EVC2: variants seen among roughly 807,000 people sequenced by gnomAD.
EVC2 encodes limbin.
A neutral mutation model predicts 149.3 loss-of-function variants in EVC2; 148 were observed. That is an observed-to-expected ratio of 0.99 (90% CI 0.87 to 1.14). The LOEUF is 1.14. Among genes scored for constraint, EVC2 ranks in the 50% most tolerant of loss-of-function variants. The pLI is 0.00. For synonymous variants in EVC2, 776 were observed against 649.9 expected (o/e 1.19, Z -2.95); for missense variants, 1,854 against 1,627.3 (o/e 1.14, Z -2.40).
chr4:5,583,495 T>C (rs1481617223), intron 17 of EVC2, among the ~76,000 whole-genome samples: 1 of 152,204 alleles, frequency 6.6e-6, no homozygotes, highest in Non-Finnish European at 1.5e-5. Context: ...TTTGTGTGGT[T>C]TGGAAGATTT....
intron 21 of EVC2, among the ~76,000 whole-genome samples, chr4:5,554,457 T>G (rs1721795854): frequency 6.6e-6 from 1 of 152,178 alleles, no homozygotes; most frequent in African/African-American, 2.4e-5. Flanking sequence ...TTGTTTGGTT[T>G]TACCTATAGC....
rs114966622 is a variant in EVC2 at position 5,644,686 on chromosome 4, C to T, written c.1146-3848G>A. 2.0e-3 allele frequency among the ~76,000 whole-genome samples: 310 copies of T among 152,266 alleles called. 3 individuals are homozygous for T. The highest frequency in any genetic ancestry group is 7.0e-3 in the African/African-American group (289 of 41,540). ...TGTTTTCCTTCGTCTAAACCTACCC[C>T]TTCCCATACCTGGGCTCCAGTAACC... On this transcript the variant is annotated intron_variant, in intron 9 of 21. Transcript: ENST00000344408.
chr4:5,687,165 G>A lies in EVC2; in HGVS notation c.707-1686C>T, dbSNP rs150494743. ...CCAGCTACTTGGGAGGCTGAGGCAGGAGAATCACTTAAATTCGGCAGGTGG... is the reference window on the plus strand; with the variant it reads ...CCAGCTACTTGGGAGGCTGAGGCAGAAGAATCACTTAAATTCGGCAGGTGG... On this transcript the variant is annotated intron_variant, in intron 5 of 21. Coordinates refer to ENST00000344408, the MANE Select transcript of EVC2 (RefSeq NM_147127.5). 5.6e-4 allele frequency among the ~76,000 whole-genome samples: 86 copies of A among 152,240 alleles called. 1 individual carries two copies. In the East Asian group the frequency reaches 7.5e-3, roughly 13 times the overall value.
chr4:5,588,616 CTAATT>C (rs1386048248), intron 16 of EVC2, among the ~76,000 whole-genome samples: 1 of 152,058 alleles, frequency 6.6e-6, no homozygotes, highest in Admixed American at 6.6e-5. Flanking sequence ...TTCAAGCTAA[CTAATT>C]TTTTTCTGCA....
rs1722969797 is a variant in EVC2 at position 5,576,944 on chromosome 4, T to A, written c.3058-490A>T. On this transcript the variant is annotated intron_variant, in intron 17 of 21. Coordinates refer to ENST00000344408, the MANE Select transcript of EVC2 (RefSeq NM_147127.5). This position sits in a 1 kb window ranked among gnomAD's most constrained non-coding sequence, Gnocchi z 4.5. Reference sequence around the variant, plus strand: ...CCCTGCCTGCAAAGTGCCTGGTGGCTGGCACCTGTCACTGCATATGGTGGG... The same window carrying A: ...CCCTGCCTGCAAAGTGCCTGGTGGCAGGCACCTGTCACTGCATATGGTGGG... 6.6e-6 allele frequency among the ~76,000 whole-genome samples: 1 copy of A among 152,226 alleles called. No homozygotes were observed. The highest frequency in any genetic ancestry group is 1.5e-5 in the Non-Finnish European group (1 of 68,036).
In EVC2 at chr4:5,637,775, C is replaced by A. The variant is rs1716986511; in HGVS notation, c.1470+2739G>T. 6.6e-6 allele frequency among the ~76,000 whole-genome samples: 1 copy of A among 151,454 alleles called. No homozygotes were observed. The highest frequency in any genetic ancestry group is 1.5e-5 in the Non-Finnish European group (1 of 67,916). Reference sequence around the variant, plus strand: ...TCAACAATGGGCAGAATGAATGATCCTCTGCCACTGAGTTGTGGGATGGGC... The same window carrying A: ...TCAACAATGGGCAGAATGAATGATCATCTGCCACTGAGTTGTGGGATGGGC... On this transcript the variant is annotated intron_variant, in intron 10 of 21. Coordinates refer to ENST00000344408, the MANE Select transcript of EVC2 (RefSeq NM_147127.5). This position sits in a 1 kb window ranked among gnomAD's most constrained non-coding sequence, Gnocchi z 4.4.
intron 5 of EVC2, among the ~76,000 whole-genome samples, chr4:5,687,633 T>A (rs1248496944): frequency 6.6e-6 from 1 of 152,070 alleles, no homozygotes; most frequent in Non-Finnish European, 1.5e-5. Context: ...CAGGGCCAGG[T>A]CCCAAAGAAT....
chr4:5,658,007 G>A (rs1174213863), intron 9 of EVC2, among the ~76,000 whole-genome samples: 1 of 152,138 alleles, frequency 6.6e-6, no homozygotes, highest in Non-Finnish European at 1.5e-5. Context: ...GCCTCCATTA[G>A]AAGCATCCTC....
chr4:5,570,366 C>T (rs556101434), intron 19 of EVC2, among the ~76,000 whole-genome samples: 128 of 152,336 alleles, frequency 8.4e-4, no homozygotes, highest in African/African-American at 2.8e-3. Flanking sequence ...CACAGCCCTT[C>T]CAGCTCCAGT....
chr4:5,650,708 G>A (rs1384358796), intron 9 of EVC2, among the ~76,000 whole-genome samples: 1 of 143,924 alleles, frequency 6.9e-6, no homozygotes, highest in East Asian at 2.1e-4. Flanking sequence ...TATAAGGTAG[G>A]TGATTAACAT....
chr4:5,703,063 A>G (rs1297378315), intron 1 of EVC2, among the ~76,000 whole-genome samples: 2 of 152,208 alleles, frequency 1.3e-5, no homozygotes, highest in East Asian at 1.9e-4. Flanking sequence ...AACATCATCA[A>G]TAGGTTCATG....
intron 16 of EVC2, among the ~76,000 whole-genome samples, chr4:5,607,497 C>T (rs115665687): frequency 6.6e-6 from 1 of 152,158 alleles, no homozygotes; most frequent in Non-Finnish European, 1.5e-5. Flanking sequence ...GACCAGACAT[C>T]TGTAGCTGAC....
intron 16 of EVC2, among the ~76,000 whole-genome samples, chr4:5,596,633 G>C (rs926956573): frequency 2.6e-5 from 4 of 152,068 alleles, no homozygotes; most frequent in African/African-American, 9.7e-5. Flanking sequence ...ATCCAAAATT[G>C]ACACCCTAAC....
Position 5,685,483 on chromosome 4 carries a change from C to T in EVC2, c.707-4G>A, listed in dbSNP as rs113806963. On this transcript the variant is annotated splice_region_variant and splice_polypyrimidine_tract_variant and intron_variant, in intron 5 of 21. Coordinates refer to ENST00000344408, the MANE Select transcript of EVC2 (RefSeq NM_147127.5). ...CTGACAGCAAAGGCATCTCCCACTG[C>T]GCAGAGAAAAGCACATGTGACTCAG... 6,515 of 1,613,818 alleles carry T rather than the reference C, an allele frequency of 4.0e-3. 22 individuals are homozygous for T. Among genetic ancestry groups the T allele is most frequent in the Non-Finnish European group, 4.8e-3 (5,695 of 1,179,816 alleles).
In EVC2 at chr4:5,613,923, C is replaced by A. The variant is rs561689939; in HGVS notation, c.2829+1499G>T. On this transcript the variant is annotated intron_variant, in intron 16 of 21. Coordinates refer to ENST00000344408, the MANE Select transcript of EVC2 (RefSeq NM_147127.5). The surrounding 1 kb of genome is among the most constrained non-coding windows in gnomAD (Gnocchi z 4.6). ...CCAGAGCAGTTTCTATGGCTCTTGG[C>A]GAGATCGTGCATTCGTGTTCTGAGA... Among the ~76,000 whole-genome samples the A allele has an allele frequency of 6.6e-6, 1 of 152,098 alleles. No homozygotes were observed. Among genetic ancestry groups the A allele is most frequent in the East Asian group, 1.9e-4 (1 of 5,170 alleles).
chr4:5,599,931 T>C (rs1713837349), intron 16 of EVC2, among the ~76,000 whole-genome samples: 1 of 152,206 alleles, frequency 6.6e-6, no homozygotes. Context: ...GAAATACTAT[T>C]TTGCTAAATA....
At chr4:5,697,526 G>A in intron 2 of EVC2, 67 bp downstream of exon 2, 5 of 1,498,126 alleles carry the variant, frequency 3.3e-6, no homozygotes, top group South Asian at 1.1e-5. Context: ...GCTGGAGGAA[G>A]GAGGGCTTCA....
In EVC2 at chr4:5,694,394, T is replaced by G. The variant is rs1721328690; in HGVS notation, c.391A>C (p.Ile131Leu). 1.9e-6 allele frequency: 3 copies of G among 1,614,150 alleles called. No individual in the cohort carries two copies. The highest frequency in any genetic ancestry group is 2.5e-6 in the Non-Finnish European group (3 of 1,179,998). The change falls in exon 3 of 22, where the codon ATA becomes CTA. Residue 131 changes from isoleucine to leucine, a missense_variant. Physicochemically the swap from Ile to Leu is conservative, Grantham distance 5. Coordinates refer to ENST00000344408, the MANE Select transcript of EVC2 (RefSeq NM_147127.5). ...AAGTTCTTCTTAGGCCAGGAGGGTA[T>G]AAAAGCAAATAAGGAATGAGCCCAT... Reference protein sequence around the residue: ...GPWAHSLFAFIPSWPKKNLFK... With the variant: ...GPWAHSLFAFLPSWPKKNLFK...
At chr4:5,572,446 G>A (rs1722695541) in intron 19 of EVC2, among the ~76,000 whole-genome samples, 1 of 152,162 alleles carries the variant, frequency 6.6e-6, no homozygotes, top group Non-Finnish European at 1.5e-5. Flanking sequence ...CAGGGAACTA[G>A]CTTAGCCCTT....
Sources: gnomAD v4.1 joint callset for allele counts (sites outside exome capture counted in the v4.1 genomes callset) on GRCh38, gnomAD v4.1.1 for gene constraint, Gnocchi (gnomAD v3.1) non-coding constraint, MANE v1.5 for transcripts, NCBI Gene and HGNC (gene_info 2026-07-23, HGNC 2026-07-21) for gene names.